The following NRXN1 variants were observed in gnomAD, a reference collection of about 807,000 sequenced individuals.
The protein encoded by NRXN1 is neurexin-1.
Under a neutral mutation model 150.9 loss-of-function variants are expected in NRXN1, and 39 were observed. The ratio of observed to expected loss-of-function variants is 0.26; its 90% CI spans 0.20 to 0.34. NRXN1 has a LOEUF of 0.34. NRXN1 is among the 10% of genes least tolerant of loss of function. The probability of loss-of-function intolerance (pLI) is 1.00; values close to 1 mark genes in which losing one functional copy is unlikely to be tolerated. For synonymous variants in NRXN1, 924 were observed against 757.0 expected (o/e 1.22, Z -3.62); for missense variants, 1,815 against 1,949.9 (o/e 0.93, Z 1.30).
At chr2:50,992,820 T>C (rs1575152545) in intron 2 of NRXN1, among the ~76,000 whole-genome samples, 1 of 152,042 alleles carries the variant, frequency 6.6e-6, no homozygotes, top group East Asian at 1.9e-4. Context: ...CAGACAATTA[T>C]AAAAAGGATG....
At chr2:50,415,213 A>G (rs1464800237) in intron 17 of NRXN1, among the ~76,000 whole-genome samples, 1 of 152,174 alleles carries the variant, frequency 6.6e-6, no homozygotes, top group Non-Finnish European at 1.5e-5. Flanking sequence ...AATAAAAATA[A>G]CAAGGTAGTT....
chr2:50,977,414 A>G (rs1696036912), intron 2 of NRXN1, among the ~76,000 whole-genome samples: 1 of 151,818 alleles, frequency 6.6e-6, no homozygotes, highest in Non-Finnish European at 1.5e-5. Context: ...TTTCTGCATT[A>G]TATATACTTT....
intron 2 of NRXN1, among the ~76,000 whole-genome samples, chr2:51,018,512 A>G (rs1315760961): frequency 6.6e-6 from 1 of 152,090 alleles, no homozygotes; most frequent in Non-Finnish European, 1.5e-5. Context: ...TTCCAACTCT[A>G]AGAACCACTC....
chr2:50,925,075 G>A (rs1375196928), intron 3 of NRXN1, among the ~76,000 whole-genome samples: 1 of 151,826 alleles, frequency 6.6e-6, no homozygotes, highest in Non-Finnish European at 1.5e-5. Context: ...TGTAGGAACT[G>A]TTAATGCTGT....
intron 19 of NRXN1, among the ~76,000 whole-genome samples, chr2:50,090,965 T>C (rs936139356): frequency 1.3e-4 from 20 of 152,302 alleles, no homozygotes; most frequent in African/African-American, 4.8e-4. Context: ...TTCTTTCCCT[T>C]AGTTTTAAAT....
At position 50,559,533 on chromosome 2, in the gene NRXN1, G is replaced by A. The variant is rs189788237; in HGVS notation, c.1321-6508C>T. Among the ~76,000 whole-genome samples the A allele has an allele frequency of 3.9e-3, 590 of 152,052 alleles. 3 individuals carry two copies. Among genetic ancestry groups the A allele is most frequent in the Middle Eastern group, 0.01 (3 of 294 alleles). ...CACTGAAAATAAACTAATTTAATAC[G>A]CTAGTTTAATTTATCTTAAACATTT... On this transcript the variant is annotated intron_variant, in intron 8 of 22. Coordinates refer to ENST00000401669, the MANE Select transcript of NRXN1 (RefSeq NM_001330078.2).
At chr2:50,621,440 A>AG (rs1380419921) in intron 6 of NRXN1, among the ~76,000 whole-genome samples, 191 bp from the exon 7 acceptor site, 1 of 152,110 alleles carries the variant, frequency 6.6e-6, no homozygotes, top group East Asian at 1.9e-4. Flanking sequence ...GGGCAAAAAA[A>AG]TTTTACAAGA....
intron 17 of NRXN1, among the ~76,000 whole-genome samples, chr2:50,430,398 T>C (rs969863789): frequency 2.6e-5 from 4 of 152,204 alleles, no homozygotes; most frequent in Non-Finnish European, 5.9e-5. Context: ...TCTGTGATGA[T>C]GGAAATGCTT....
chr2:50,940,453 G>T (rs1019106254), intron 2 of NRXN1, among the ~76,000 whole-genome samples: 2 of 142,692 alleles, frequency 1.4e-5, no homozygotes, highest in African/African-American at 2.6e-5. Context: ...CCAACCTGGT[G>T]ACAGAGCAAG....
chr2:50,669,236 G>C (rs1002107183), intron 5 of NRXN1, among the ~76,000 whole-genome samples: 3 of 151,962 alleles, frequency 2.0e-5, no homozygotes, highest in Non-Finnish European at 2.9e-5. Context: ...CCTGGAACAT[G>C]GTGGAGCTCA....
At chr2:50,450,490 C>G (rs2086862270) in intron 17 of NRXN1, among the ~76,000 whole-genome samples, 1 of 151,648 alleles carries the variant, frequency 6.6e-6, no homozygotes, top group South Asian at 2.1e-4. Context: ...ATTTCCCCAA[C>G]TAAAATGAAG....
chr2:50,213,986 G>A (rs1041703978), intron 18 of NRXN1, among the ~76,000 whole-genome samples: 1 of 151,880 alleles, frequency 6.6e-6, no homozygotes, highest in Non-Finnish European at 1.5e-5. Context: ...CTTACATTAA[G>A]TTTATGCTGA....
chr2:50,820,193 C>G (rs1422445433), intron 5 of NRXN1, among the ~76,000 whole-genome samples: 1 of 152,096 alleles, frequency 6.6e-6, no homozygotes, highest in East Asian at 1.9e-4. Flanking sequence ...GATTTCTCTC[C>G]TGTATTAATT....
At chr2:50,991,861 A>G (rs1698592942) in intron 2 of NRXN1, among the ~76,000 whole-genome samples, 1 of 152,070 alleles carries the variant, frequency 6.6e-6, no homozygotes. Flanking sequence ...TTCAGTTTCA[A>G]TAAAAGATCC....
chr2:50,484,766 CA>C (rs2090744361), intron 15 of NRXN1, among the ~76,000 whole-genome samples: 1 of 152,098 alleles, frequency 6.6e-6, no homozygotes, highest in Admixed American at 6.5e-5. Flanking sequence ...GAGAGAAGAG[CA>C]TATAGAAAGT....
chr2:50,742,233 T>C (rs919504259), intron 5 of NRXN1, among the ~76,000 whole-genome samples: 8 of 151,772 alleles, frequency 5.3e-5, no homozygotes, highest in Non-Finnish European at 8.8e-5. Flanking sequence ...AGAATTGCAA[T>C]ATTTACATAT....
chr2:50,926,001 T>G, intron 2 of NRXN1, 46 bp from the exon 3 acceptor site: 2 of 1,514,600 alleles, frequency 1.3e-6, no homozygotes, highest in Non-Finnish European at 1.8e-6. Context: ...AAACATTCAT[T>G]AAGCAGCATG....
intron 5 of NRXN1, among the ~76,000 whole-genome samples, chr2:50,683,437 C>T (rs563389953): frequency 4.0e-4 from 60 of 149,688 alleles, no homozygotes; most frequent in African/African-American, 1.3e-3. Flanking sequence ...TCGAGACCAT[C>T]CTGGCTAACA....
chr2:51,010,587 G>A (rs1393724784), intron 2 of NRXN1, among the ~76,000 whole-genome samples: 1 of 151,934 alleles, frequency 6.6e-6, no homozygotes, highest in Non-Finnish European at 1.5e-5. Flanking sequence ...ATATTTGTGA[G>A]GCTTGTTCAG....
Sources: allele counts gnomAD v4.1 joint callset (sites outside exome capture counted in the v4.1 genomes callset), GRCh38; gene constraint gnomAD v4.1.1; transcripts MANE v1.5; gene names NCBI Gene and HGNC (gene_info 2026-07-23, HGNC 2026-07-21).